Variants in RPS6KA2 observed in about 807,000 individuals in gnomAD.
The protein encoded by RPS6KA2 is ribosomal protein S6 kinase A2, also known as ribosomal protein S6 kinase alpha-2.
In RPS6KA2, 42 loss-of-function variants were observed where a neutral mutation model predicts 91.8. The observed-to-expected ratio is 0.46, with a 90% CI of 0.36 to 0.59. The LOEUF (loss-of-function observed/expected upper bound fraction) is 0.59. Among genes scored for constraint, RPS6KA2 ranks in the 20% least tolerant of loss-of-function variants. The pLI, the probability that RPS6KA2 is intolerant of heterozygous loss-of-function variation, is 0.00. For missense variants in RPS6KA2, 798 were observed against 978.5 expected (o/e 0.82, Z 2.46); for synonymous variants, 414 against 393.6 (o/e 1.05, Z -0.61).
chr6:166,734,094 C>T (rs1790606346), intron 2 of RPS6KA2, among the ~76,000 whole-genome samples: 2 of 152,124 alleles, frequency 1.3e-5, no homozygotes, highest in African/African-American at 4.8e-5. Flanking sequence ...TATGAGATCA[C>T]CTGTTTAGAG....
rs531318235 is a variant in RPS6KA2 at position 166,423,830 on chromosome 6, T to C, written c.1582-413A>G. Reference sequence around the variant, plus strand: ...GTGCCCACCCCCATGCACTGTGAGGTGTTGGAGCAGCACCAGTGAGCAGCA... The same window carrying C: ...GTGCCCACCCCCATGCACTGTGAGGCGTTGGAGCAGCACCAGTGAGCAGCA... On this transcript the variant is annotated intron_variant, in intron 16 of 20. Coordinates refer to ENST00000265678, the MANE Select transcript of RPS6KA2 (RefSeq NM_021135.6). This position sits in a 1 kb window ranked among gnomAD's most constrained non-coding sequence, Gnocchi z 4.8. 2 of 161,310 alleles carry C rather than the reference T, an allele frequency of 1.2e-5. No homozygotes were observed. The highest frequency in any genetic ancestry group is 1.8e-4 in the East Asian group (1 of 5,446). The allele number at this position is 161,310 out of a possible 1,614,324, so 10.0% of individuals were successfully genotyped here. A position where few individuals can be genotyped will look rare whatever the true frequency, so the allele number is the denominator to read the frequency against.
intron 1 of RPS6KA2, among the ~76,000 whole-genome samples, chr6:166,547,703 A>G (rs917222416): frequency 8.5e-5 from 13 of 152,272 alleles, no homozygotes; most frequent in African/African-American, 3.1e-4. Flanking sequence ...ATTGTGCCTT[A>G]TATGGAACTT....
chr6:166,793,107 C>T (rs1779137974), intron 2 of RPS6KA2, among the ~76,000 whole-genome samples: 1 of 152,110 alleles, frequency 6.6e-6, no homozygotes. Flanking sequence ...TAGAAAACCC[C>T]ACTGTCTCAG....
chr6:166,460,451 G>A (rs1295572549), intron 11 of RPS6KA2, among the ~76,000 whole-genome samples: 4 of 152,230 alleles, frequency 2.6e-5, no homozygotes, highest in African/African-American at 9.6e-5. Context: ...TTAGATGGAG[G>A]GAGCCGGGGG....
intron 5 of RPS6KA2, among the ~76,000 whole-genome samples, chr6:166,506,981 G>A (rs1021158945): frequency 6.6e-6 from 1 of 152,094 alleles, no homozygotes; most frequent in African/African-American, 2.4e-5. Flanking sequence ...GGGCTCTCAG[G>A]GTGCAGTGAA....
intron 2 of RPS6KA2, among the ~76,000 whole-genome samples, chr6:166,833,328 A>G (rs7745781): frequency 0.13 from 19,736 of 152,282 alleles, 1,499 homozygotes; most frequent in East Asian, 0.28. Context: ...ATAACTGAAT[A>G]TGGACTTTTC....
At chr6:166,803,715 CTG>C (rs1439564556) in intron 2 of RPS6KA2, among the ~76,000 whole-genome samples, 5 of 152,238 alleles carry the variant, frequency 3.3e-5, no homozygotes, top group Non-Finnish European at 7.3e-5. Flanking sequence ...GATTTTGTGC[CTG>C]TGTTATTCAC....
chr6:166,500,333 G>C lies in RPS6KA2; in HGVS notation c.604+554C>G, dbSNP rs1781980225. Among the ~76,000 whole-genome samples the C allele has an allele frequency of 6.6e-6, 1 of 152,240 alleles. No individual in the cohort carries two copies. The highest frequency in any genetic ancestry group is 2.4e-5 in the African/African-American group (1 of 41,456). ...ATACAAATGGGGTGTCCTGAGACTA[G>C]AGGAGCTGTTGCCAGTTTGACTGAA... On this transcript the variant is annotated intron_variant, in intron 7 of 20. Transcript: ENST00000265678. The surrounding 1 kb of genome is among the most constrained non-coding windows in gnomAD (Gnocchi z 4.3).
At chr6:166,661,317 C>T (rs988688999) in intron 2 of RPS6KA2, among the ~76,000 whole-genome samples, 5 of 152,184 alleles carry the variant, frequency 3.3e-5, no homozygotes, top group Non-Finnish European at 5.9e-5. Context: ...CCAGGCTGGT[C>T]TCAAACTCCT....
At chr6:166,789,133 A>C (rs931237958) in intron 2 of RPS6KA2, among the ~76,000 whole-genome samples, 1 of 152,174 alleles carries the variant, frequency 6.6e-6, no homozygotes, top group Non-Finnish European at 1.5e-5. Flanking sequence ...GACACACGGC[A>C]CCTGGAAAAT....
chr6:166,786,340 G>T (rs1055786541), intron 2 of RPS6KA2, among the ~76,000 whole-genome samples: 3 of 152,188 alleles, frequency 2.0e-5, no homozygotes, highest in African/African-American at 7.2e-5. Context: ...ACAAATCATG[G>T]TATTAGCAGT....
intron 2 of RPS6KA2, chr6:166,702,949 A>G: frequency 1.7e-6 from 1 of 595,770 alleles, no homozygotes; most frequent in Non-Finnish European, 3.0e-6. Context: ...CTCGCCTTTA[A>G]AATACACAAA....
In RPS6KA2 at chr6:166,554,946, T is replaced by C. The variant is rs941150429; in HGVS notation, c.100-16162A>G. Among the ~76,000 whole-genome samples the C allele has an allele frequency of 2.0e-5, 3 of 152,252 alleles. No homozygotes were observed. Among genetic ancestry groups the C allele is most frequent in the African/African-American group, 7.2e-5 (3 of 41,474 alleles). On this transcript the variant is annotated intron_variant, in intron 1 of 20. Transcript: ENST00000265678. This position sits in a 1 kb window ranked among gnomAD's most constrained non-coding sequence, Gnocchi z 4.3. ...TGACTTTAGGAAATTGTTGCTTCTATACTTTTTCTCTACAGAGCTAGAATA... is the reference window on the plus strand; with the variant it reads ...TGACTTTAGGAAATTGTTGCTTCTACACTTTTTCTCTACAGAGCTAGAATA...
At position 166,412,981 on chromosome 6, in the gene RPS6KA2, G is replaced by A; in HGVS notation, c.2077-94C>T. 7.5e-7 allele frequency: 1 copy of A among 1,325,336 alleles called. No homozygotes were observed. The highest frequency in any genetic ancestry group is 1.0e-6 in the Non-Finnish European group (1 of 997,138). 82.1% of individuals were successfully genotyped at this position (1,325,336 alleles called of 1,614,324 possible). A position where few individuals can be genotyped will look rare whatever the true frequency, so the allele number is the denominator to read the frequency against. On this transcript the variant is annotated intron_variant, in intron 20 of 20. Transcript: ENST00000265678. The surrounding 1 kb of genome is among the most constrained non-coding windows in gnomAD (Gnocchi z 4.3). ...CTCCATGGGCCTCAGCTGCCCCCAGGCAACGTGGGAGAAACCAGAGCTTCC... is the reference window on the plus strand; with the variant it reads ...CTCCATGGGCCTCAGCTGCCCCCAGACAACGTGGGAGAAACCAGAGCTTCC...
intron 2 of RPS6KA2, among the ~76,000 whole-genome samples, chr6:166,846,944 C>T (rs543444291): frequency 8.0e-4 from 122 of 151,916 alleles, no homozygotes; most frequent in African/African-American, 2.8e-3. Context: ...ATAATATAAT[C>T]GTATACCTAG....
At chr6:166,769,596 A>T (rs542201596) in intron 2 of RPS6KA2, among the ~76,000 whole-genome samples, 68 of 152,336 alleles carry the variant, frequency 4.5e-4, no homozygotes, top group African/African-American at 1.5e-3. Flanking sequence ...TCAAAACACA[A>T]GTTCCACGTC....
At chr6:166,602,636 C>A (rs376863852) in intron 1 of RPS6KA2, among the ~76,000 whole-genome samples, 5 of 152,138 alleles carry the variant, frequency 3.3e-5, no homozygotes, top group African/African-American at 9.7e-5. Context: ...TTATATGACA[C>A]GTAAACTGCA....
rs992058281 is a variant in RPS6KA2, at chr6:166,733,878, A to G, written c.123+124322T>C. 1.3e-5 allele frequency among the ~76,000 whole-genome samples: 2 copies of G among 152,212 alleles called. No individual in the cohort carries two copies. The highest frequency in any genetic ancestry group is 4.8e-5 in the African/African-American group (2 of 41,444). The stretch of plus-strand genomic sequence containing the variant: ...CAGGCTGAACAGAGTAAACCAATAG[A>G]AAGAGAAATGGTAAAATGAAAAACT... On this transcript the variant is annotated intron_variant, in intron 2 of 21. Coordinates refer to the RPS6KA2 transcript ENST00000503859. The surrounding 1 kb of genome is among the most constrained non-coding windows in gnomAD (Gnocchi z 4.1).
intron 14 of RPS6KA2, among the ~76,000 whole-genome samples, chr6:166,441,158 A>G (rs1779507370): frequency 6.6e-6 from 1 of 152,004 alleles, no homozygotes; most frequent in African/African-American, 2.4e-5. Context: ...TTGTCCATCT[A>G]AATGTTGCTT....
Sources: allele counts gnomAD v4.1 joint callset (sites outside exome capture counted in the v4.1 genomes callset), GRCh38; gene constraint gnomAD v4.1.1; non-coding constraint Gnocchi (gnomAD v3.1); transcripts MANE v1.5; gene names NCBI Gene and HGNC (gene_info 2026-07-23, HGNC 2026-07-21).